The following SYT1 variants were observed in gnomAD, a reference collection of about 807,000 sequenced individuals.
SYT1 encodes the protein synaptotagmin 1, also known as synaptotagmin-1.
SYT1 carries 8 observed loss-of-function variants against 44.8 expected under a neutral mutation model. The observed-to-expected ratio is 0.18, with a 90% CI of 0.10 to 0.32. SYT1 has a LOEUF of 0.32. Among genes scored for constraint, SYT1 ranks in the 10% least tolerant of loss-of-function variants. The pLI, the probability that SYT1 is intolerant of heterozygous loss-of-function variation, is 1.00. For missense variants in SYT1, 286 were observed against 509.3 expected (o/e 0.56, Z 4.22); for synonymous variants, 154 against 188.8 (o/e 0.82, Z 1.51).
At chr12:79,289,204 G>A (rs565535392) in intron 5 of SYT1, among the ~76,000 whole-genome samples, 60 of 152,214 alleles carry the variant, frequency 3.9e-4, no homozygotes, top group African/African-American at 1.3e-3. Context: ...ATATGCATGC[G>A]CACTTAATCT....
At chr12:79,143,616 T>G (rs1869699658) in intron 3 of SYT1, among the ~76,000 whole-genome samples, 1 of 152,212 alleles carries the variant, frequency 6.6e-6, no homozygotes, top group South Asian at 2.1e-4. Context: ...CATTTTATGT[T>G]GAGTATTATT....
At chr12:79,133,281 G>A (rs1868972393) in intron 3 of SYT1, among the ~76,000 whole-genome samples, 1 of 152,148 alleles carries the variant, frequency 6.6e-6, no homozygotes, top group Non-Finnish European at 1.5e-5. Flanking sequence ...CACTTTGGGA[G>A]GCCGAGGTGG....
chr12:79,115,713 A>T (rs980499141), intron 3 of SYT1, among the ~76,000 whole-genome samples: 2 of 152,180 alleles, frequency 1.3e-5, no homozygotes, highest in African/African-American at 2.4e-5. Context: ...TAATTTTTTT[A>T]AATTATAATT....
intron 5 of SYT1, among the ~76,000 whole-genome samples, chr12:79,291,087 A>G (rs1293319258): frequency 1.3e-5 from 2 of 152,206 alleles, no homozygotes; most frequent in African/African-American, 4.8e-5. Flanking sequence ...AGAAAAACAC[A>G]TTATATATTT....
At chr12:79,288,547 CT>C (rs1349024376) in intron 5 of SYT1, among the ~76,000 whole-genome samples, 1 of 152,076 alleles carries the variant, frequency 6.6e-6, no homozygotes, top group African/African-American at 2.4e-5. Flanking sequence ...GGCTACATGT[CT>C]CTATAGTAAG....
At chr12:78,960,749 GA>G (rs1193332979) in intron 1 of SYT1, 1 of 152,054 alleles carries the variant, frequency 6.6e-6, no homozygotes, top group Non-Finnish European at 1.5e-5. Flanking sequence ...ATTTTCAAGT[GA>G]AAAAAACTTA....
chr12:79,409,012 C>T (rs562061019), intron 9 of SYT1, among the ~76,000 whole-genome samples: 1 of 152,086 alleles, frequency 6.6e-6, no homozygotes, highest in East Asian at 1.9e-4. Context: ...CTCATCGGGC[C>T]AGCATTACAT....
chr12:78,961,569 T>C (rs1879506320), intron 1 of SYT1, among the ~76,000 whole-genome samples: 1 of 152,116 alleles, frequency 6.6e-6, no homozygotes, highest in Non-Finnish European at 1.5e-5. Context: ...TTTGTAACTA[T>C]GTCTCCTATA....
intron 8 of SYT1, among the ~76,000 whole-genome samples, chr12:79,300,766 T>C (rs1161289000): frequency 1.5e-5 from 2 of 136,666 alleles, no homozygotes; most frequent in East Asian, 4.5e-4. Flanking sequence ...AGTATTTTTG[T>C]ATATAATATT....
chr12:79,231,347 T>C (rs983591112), intron 4 of SYT1, among the ~76,000 whole-genome samples: 2 of 152,164 alleles, frequency 1.3e-5, no homozygotes, highest in Non-Finnish European at 2.9e-5. Flanking sequence ...GAAATAAAGA[T>C]TAAGAAAATA....
intron 3 of SYT1, among the ~76,000 whole-genome samples, chr12:79,051,400 A>G (rs540390862): frequency 1.5e-4 from 23 of 150,100 alleles, no homozygotes; most frequent in African/African-American, 5.3e-4. Context: ...TTATATTTAT[A>G]TATATCTCTA....
In SYT1 at chr12:79,178,937, G is replaced by GATATAAATATATCT. The variant is rs1872086557; in HGVS notation, c.-17-38561_-17-38560insAATATATCTATATA. Among the ~76,000 whole-genome samples, 34 of 39,168 alleles carry GATATAAATATATCT rather than the reference G, an allele frequency of 8.7e-4. 4 individuals are homozygous for GATATAAATATATCT. The highest frequency in any genetic ancestry group is 1.2e-3 in the Non-Finnish European group (31 of 25,248). The allele number at this position is 39,168 out of a possible 152,430, so 25.7% of individuals were successfully genotyped here. ...ATATAGATATAGATATATCTATATA[G>GATATAAATATATCT]ATATAGATATAGATATAGATATAGA... is the stretch of plus-strand genomic sequence containing the variant. On this transcript the variant is annotated intron_variant, in intron 3 of 10. Transcript: ENST00000261205.
Position 78,934,173 on chromosome 12 carries a change from TACAC to T in SYT1, c.-216-43611_-216-43608del, listed in dbSNP as rs78125687. On this transcript the variant is annotated intron_variant, in intron 1 of 10. Transcript: ENST00000261205. ...ATGTGCGTGTGTACACACACACACA[TACAC>T]ACACACACACACACCATACCTGTTG... is the stretch of plus-strand genomic sequence containing the variant. 5.4e-5 allele frequency among the ~76,000 whole-genome samples: 8 copies of T among 148,304 alleles called. No homozygotes were observed. The East Asian group carries it at 1.2e-3, about 22-fold the overall frequency.
intron 9 of SYT1, among the ~76,000 whole-genome samples, chr12:79,362,994 G>A (rs1224070677): frequency 2.0e-5 from 3 of 152,156 alleles, no homozygotes; most frequent in Non-Finnish European, 4.4e-5. Flanking sequence ...GTGTTGTCTT[G>A]TAGGAACCCC....
intron 8 of SYT1, among the ~76,000 whole-genome samples, chr12:79,349,060 G>GAAAAAGAAAGAAAGAAA (rs1565920027): frequency 9.6e-4 from 123 of 128,790 alleles, no homozygotes; most frequent in Middle Eastern, 3.9e-3. Context: ...AAAGAAAGGA[G>GAAAAAGAAAGAAAGAAA]GGAGGGAGGG....
intron 9 of SYT1, among the ~76,000 whole-genome samples, chr12:79,391,831 A>G (rs775856506): frequency 6.6e-6 from 1 of 152,240 alleles, no homozygotes; most frequent in East Asian, 1.9e-4. Flanking sequence ...TAAAATACTG[A>G]GTACAAACCT....
intron 2 of SYT1, among the ~76,000 whole-genome samples, chr12:79,011,343 T>C (rs2137572501): frequency 6.6e-6 from 1 of 152,238 alleles, no homozygotes; most frequent in Admixed American, 6.5e-5. Flanking sequence ...AATTAATCAG[T>C]TTATTACAAG....
chr12:79,368,410 C>T (rs1883641992), intron 9 of SYT1, among the ~76,000 whole-genome samples: 1 of 152,050 alleles, frequency 6.6e-6, no homozygotes, highest in African/African-American at 2.4e-5. Flanking sequence ...TGGGTATATA[C>T]CCAGTAATGG....
intron 1 of SYT1, among the ~76,000 whole-genome samples, chr12:78,896,624 C>G (rs7979553): frequency 3.3e-5 from 5 of 151,732 alleles, no homozygotes; most frequent in Non-Finnish European, 5.9e-5. Flanking sequence ...AACCTCTCTC[C>G]TCATGTAAAC....
Sources: gnomAD v4.1 joint callset for allele counts (sites outside exome capture counted in the v4.1 genomes callset) on GRCh38, gnomAD v4.1.1 for gene constraint, MANE v1.5 for transcripts, NCBI Gene and HGNC (gene_info 2026-07-23, HGNC 2026-07-21) for gene names.